The following CNTNAP3B variants were observed in gnomAD, a reference collection of about 807,000 sequenced individuals.
CNTNAP3B encodes contactin associated protein family member 3B.
A neutral mutation model predicts 108.9 loss-of-function variants in CNTNAP3B; 25 were observed. That is an observed-to-expected ratio of 0.23 (90% CI 0.17 to 0.32). The LOEUF is 0.32. Ranked by LOEUF, CNTNAP3B falls within the 10% of genes least tolerant of loss-of-function variation. The pLI is 1.00. For synonymous variants in CNTNAP3B, 103 were observed against 473.4 expected (o/e 0.22, Z 10.16); for missense variants, 252 against 1,210.4 (o/e 0.21, Z 11.75).
chr9:41,957,898 C>G (rs1414930126), intron 12 of CNTNAP3B, among the ~76,000 whole-genome samples: 1 of 151,966 alleles, frequency 6.6e-6, no homozygotes, highest in African/African-American at 2.4e-5. Context: ...GTAGCTGGGA[C>G]TACAGGCACC....
chr9:42,024,770 A>C (rs1826387244), intron 3 of CNTNAP3B, among the ~76,000 whole-genome samples: 1 of 145,412 alleles, frequency 6.9e-6, no homozygotes, highest in Admixed American at 6.8e-5. Flanking sequence ...TTTCCTCATT[A>C]TGTCAATTTT....
At position 42,115,627 on chromosome 9, in the gene CNTNAP3B, T is replaced by A. The variant is rs1195924614; in HGVS notation, c.86-10888A>T. Among the ~76,000 whole-genome samples, 2 of 123,462 alleles carry A rather than the reference T, an allele frequency of 1.6e-5. 1 individual carries two copies. The highest frequency in any genetic ancestry group is 6.7e-5 in the African/African-American group (2 of 29,704). The allele number at this position is 123,462 out of a possible 152,430, so 81.0% of individuals were successfully genotyped here. A position where few individuals can be genotyped will look rare whatever the true frequency, so the allele number is the denominator to read the frequency against. On this transcript the variant is annotated intron_variant, in intron 1 of 23. Transcript: ENST00000377561. ...GGTCTGGACTGGACCTCCAGCAAAC[T>A]CCAACAGACCTGCAGCTGAGGGTCC...
At chr9:42,094,347 TA>T (rs1249089919) in intron 2 of CNTNAP3B, among the ~76,000 whole-genome samples, 2,031 of 112,550 alleles carry the variant, frequency 0.018, 389 homozygotes, top group African/African-American at 0.068. Flanking sequence ...GCGTTGCATT[TA>T]AAAAAAAAAA....
intron 2 of CNTNAP3B, among the ~76,000 whole-genome samples, chr9:42,095,664 G>T (rs1277910728): frequency 7.2e-6 from 1 of 138,690 alleles, no homozygotes; most frequent in Admixed American, 7.2e-5. Flanking sequence ...GTAGGAGCTG[G>T]AATTCTGGCT....
At chr9:42,111,941 T>C (rs1275567675) in intron 1 of CNTNAP3B, among the ~76,000 whole-genome samples, 1 of 138,888 alleles carries the variant, frequency 7.2e-6, no homozygotes, top group Non-Finnish European at 1.5e-5. Context: ...TGAGTGCAAG[T>C]CACACAAACA....
intron 18 of CNTNAP3B, among the ~76,000 whole-genome samples, chr9:41,916,239 T>A (rs1275371417): frequency 6.7e-6 from 1 of 148,636 alleles, no homozygotes; most frequent in African/African-American, 2.5e-5. Context: ...GTCTCCTCTG[T>A]GCTGTTTTTT....
chr9:42,110,011 C>T lies in CNTNAP3B; in HGVS notation c.86-5272G>A, dbSNP rs1160472307. 2.9e-5 allele frequency among the ~76,000 whole-genome samples: 4 copies of T among 138,566 alleles called. 1 individual carries two copies. The highest frequency in any genetic ancestry group is 7.2e-5 in the Admixed American group (1 of 13,900). The allele number at this position is 138,566 out of a possible 152,430, so 90.9% of individuals were successfully genotyped here. A position where few individuals can be genotyped will look rare whatever the true frequency, so the allele number is the denominator to read the frequency against. On this transcript the variant is annotated intron_variant, in intron 1 of 23. Transcript: ENST00000377561. ...AGAATGCATGTCCCCCTAGAGCCTTCGTAGGGAGTGTGGCCCATCTTGATT... is the reference window on the plus strand; with the variant it reads ...AGAATGCATGTCCCCCTAGAGCCTTTGTAGGGAGTGTGGCCCATCTTGATT...
At chr9:42,086,932 C>T (rs1564192523) in intron 2 of CNTNAP3B, among the ~76,000 whole-genome samples, 1 of 109,426 alleles carries the variant, frequency 9.1e-6, no homozygotes. Flanking sequence ...ATTCCAGTTT[C>T]TTCCAATCTA....
chr9:41,950,156 G>A (rs1207236191), intron 13 of CNTNAP3B, among the ~76,000 whole-genome samples: 1 of 100,164 alleles, frequency 1.0e-5, no homozygotes, highest in African/African-American at 3.8e-5. Context: ...AATATTATTA[G>A]ACATCAGGGA....
intron 3 of CNTNAP3B, among the ~76,000 whole-genome samples, chr9:42,071,434 G>A (rs1180037549): frequency 7.3e-6 from 1 of 137,174 alleles, no homozygotes; most frequent in Non-Finnish European, 1.6e-5. Flanking sequence ...GAACAACATA[G>A]CACAAAATAT....
At chr9:42,120,069 C>A (rs968628861) in intron 1 of CNTNAP3B, among the ~76,000 whole-genome samples, 15 of 150,636 alleles carry the variant, frequency 1.0e-4, no homozygotes, top group African/African-American at 3.7e-4. Flanking sequence ...TTTTTGCAAC[C>A]TACTCATCTG....
At chr9:41,919,501 C>A (rs1210465725) in intron 18 of CNTNAP3B, among the ~76,000 whole-genome samples, 8 of 152,416 alleles carry the variant, frequency 5.2e-5, no homozygotes, top group South Asian at 2.1e-4. Flanking sequence ...CATCATAGAG[C>A]AAAGTGTTTG....
intron 3 of CNTNAP3B, among the ~76,000 whole-genome samples, chr9:42,035,798 C>G (rs1458553225): frequency 6.7e-6 from 1 of 149,212 alleles, no homozygotes; most frequent in Non-Finnish European, 1.5e-5. Context: ...GCTGGGACTA[C>G]AGGTGTGTGC....
chr9:42,095,134 C>T (rs1369818397), intron 2 of CNTNAP3B, among the ~76,000 whole-genome samples: 1 of 135,694 alleles, frequency 7.4e-6, no homozygotes, highest in Admixed American at 7.3e-5. Context: ...CCTATCTACC[C>T]AAAACTATGT....
chr9:41,942,466 C>A (rs1269551778), intron 13 of CNTNAP3B, among the ~76,000 whole-genome samples: 1 of 151,678 alleles, frequency 6.6e-6, no homozygotes, highest in Non-Finnish European at 1.5e-5. Context: ...AAAAAATTAG[C>A]CGGGCGTGGT....
At chr9:41,930,371 C>T (rs1449125026) in intron 14 of CNTNAP3B, among the ~76,000 whole-genome samples, 14 of 152,398 alleles carry the variant, frequency 9.2e-5, no homozygotes, top group Admixed American at 5.2e-4. Context: ...AGTGAGGCCC[C>T]GTCTCTACAA....
At chr9:42,111,769 T>C (rs1318136975) in intron 1 of CNTNAP3B, among the ~76,000 whole-genome samples, 1 of 138,494 alleles carries the variant, frequency 7.2e-6, no homozygotes, top group Non-Finnish European at 1.5e-5. Context: ...GTACTTTTTG[T>C]GTGTATATGG....
At chr9:42,067,544 G>A in intron 3 of CNTNAP3B, among the ~76,000 whole-genome samples, 1 of 152,152 alleles carries the variant, frequency 6.6e-6, no homozygotes, top group Non-Finnish European at 1.5e-5. Context: ...ACACAATTAT[G>A]CTCATTTTAT....
chr9:42,115,947 G>A lies in CNTNAP3B; in HGVS notation c.86-11208C>T, dbSNP rs1462559812. 1.1e-4 allele frequency among the ~76,000 whole-genome samples: 15 copies of A among 133,294 alleles called. 1 individual carries two copies. The highest frequency in any genetic ancestry group is 2.3e-4 in the East Asian group (1 of 4,418). The allele number at this position is 133,294 out of a possible 152,430, so 87.4% of individuals were successfully genotyped here. A position where few individuals can be genotyped will look rare whatever the true frequency, so the allele number is the denominator to read the frequency against. ...GAGCTAAAGGAGGATGTTCGAACCC[G>A]TCGCAAAGAAGCTAAAAACCTTGAA... is the stretch of plus-strand genomic sequence containing the variant. On this transcript the variant is annotated intron_variant, in intron 1 of 23. Coordinates refer to ENST00000377561, the MANE Select transcript of CNTNAP3B (RefSeq NM_001201380.3).
Sources: gnomAD v4.1 joint callset for allele counts (sites outside exome capture counted in the v4.1 genomes callset) on GRCh38, gnomAD v4.1.1 for gene constraint, MANE v1.5 for transcripts, NCBI Gene and HGNC (gene_info 2026-07-23, HGNC 2026-07-21) for gene names.